Variants in MARK2 observed in about 807,000 individuals in gnomAD.
MARK2 encodes microtubule affinity regulating kinase 2, also known as serine/threonine-protein kinase MARK2.
MARK2 carries 16 observed loss-of-function variants against 89.8 expected under a neutral mutation model. The observed-to-expected ratio is 0.18, with a 90% CI of 0.12 to 0.27. The LOEUF is 0.27. Ranked by LOEUF, MARK2 falls within the 10% of genes least tolerant of loss-of-function variation. The pLI, the probability that MARK2 is intolerant of heterozygous loss-of-function variation, is 1.00. For missense variants in MARK2, 621 were observed against 1,049.9 expected, an observed-to-expected ratio of 0.59 and a Z score of 5.65; for synonymous variants, 382 against 399.5, an observed-to-expected ratio of 0.96 and a Z score of 0.52.
chr11:63,851,437 A>G (rs2135211242), intron 1 of MARK2, among the ~76,000 whole-genome samples: 1 of 152,316 alleles, frequency 6.6e-6, no homozygotes, highest in Admixed American at 6.5e-5. Context: ...TTTTTTAAAA[A>G]TAACTCATCA....
Position 63,902,191 on chromosome 11 carries a change from C to CT in MARK2, c.1102-4dup. 1.2e-6 allele frequency: 2 copies of CT among 1,613,952 alleles called. No individual in the cohort carries two copies. Among genetic ancestry groups the CT allele is most frequent in the East Asian group, 4.5e-5 (2 of 44,870 alleles). ...CCTCCCTTGAAGCTGTTTTCTGTTT[C>CT]TTTCAGCTGGAAGGCGACACCATCA... On this transcript the variant is annotated splice_region_variant and splice_polypyrimidine_tract_variant and intron_variant, in intron 11 of 18. Transcript: ENST00000402010. This position sits in a 1 kb window ranked among gnomAD's most constrained non-coding sequence, Gnocchi z 4.2.
At position 63,901,057 on chromosome 11, in the gene MARK2, C is replaced by T; in HGVS notation, c.1089C>T (p.Tyr363=). The change falls in exon 11 of 19, where the codon TAC becomes TAT. Residue 363 remains tyrosine, a synonymous_variant. Coordinates refer to ENST00000402010, the MANE Select transcript of MARK2 (RefSeq NM_001039469.3). ...EVMATYLLLG[Y]KSSELEGDTI... The stretch of plus-strand genomic sequence containing the variant: ...TGGCCACCTATCTGCTCCTGGGCTA[C>T]AAGAGCTCCGAGGTGTGTGCTCCCC... The T allele has an allele frequency of 6.2e-7, 1 of 1,612,586 alleles. No individual in the cohort carries two copies. The highest frequency in any genetic ancestry group is 8.5e-7 in the Non-Finnish European group (1 of 1,178,646).
rs536993872 is a variant in MARK2 at position 63,857,149 on chromosome 11, GT to G, written c.54+17593del. Among the ~76,000 whole-genome samples the G allele has an allele frequency of 1.1e-4, 17 of 151,714 alleles. No homozygotes were observed. The South Asian group carries it at 3.1e-3, about 28-fold the overall frequency. ...TTTTATACTCATTTCCTTTTTGTTC[GT>G]TTTCTTTCTTTAATTTGTTAGTATT... is the stretch of plus-strand genomic sequence containing the variant. On this transcript the variant is annotated intron_variant, in intron 1 of 18. Transcript: ENST00000402010.
chr11:63,907,974 C>T (rs1203201567), intron 17 of MARK2, among the ~76,000 whole-genome samples: 3 of 152,264 alleles, frequency 2.0e-5, no homozygotes, highest in African/African-American at 7.2e-5. Flanking sequence ...CAGCCACTCC[C>T]CCTCCTCCCC....
At position 63,856,308 on chromosome 11, in the gene MARK2, G is replaced by GTT. The variant is rs771771264; in HGVS notation, c.54+16759_54+16760dup. ...GATACATACACCACTGGCCCTGTGG[G>GTT]TTTTTTTTTTTTGTTTTTTTTTTTT... On this transcript the variant is annotated intron_variant, in intron 1 of 18. Coordinates refer to ENST00000402010, the MANE Select transcript of MARK2 (RefSeq NM_001039469.3). 1.5e-3 allele frequency among the ~76,000 whole-genome samples: 127 copies of GTT among 87,214 alleles called. 1 individual carries two copies. The highest frequency in any genetic ancestry group is 4.4e-3 in the East Asian group (6 of 1,378). The allele number at this position is 87,214 out of a possible 152,430, so 57.2% of individuals were successfully genotyped here. A position where few individuals can be genotyped will look rare whatever the true frequency, so the allele number is the denominator to read the frequency against.
At chr11:63,907,964 C>T (rs1216983125) in intron 17 of MARK2, among the ~76,000 whole-genome samples, 1 of 152,246 alleles carries the variant, frequency 6.6e-6, no homozygotes, top group Non-Finnish European at 1.5e-5. Flanking sequence ...AGTGCGTGCA[C>T]AGCCACTCCC....
At chr11:63,841,219 C>T (rs1417969909) in intron 1 of MARK2, among the ~76,000 whole-genome samples, 1 of 152,062 alleles carries the variant, frequency 6.6e-6, no homozygotes, top group Non-Finnish European at 1.5e-5. Context: ...AAAATCTTAC[C>T]TCCTTTCTTT....
In MARK2 at chr11:63,902,350, G is replaced by T; in HGVS notation, c.1234+20G>T. On this transcript the variant is annotated intron_variant, in intron 12 of 18. Transcript: ENST00000402010. The surrounding 1 kb of genome is among the most constrained non-coding windows in gnomAD (Gnocchi z 4.2). ...ACCAGGGTAAATGCTTTTGGGAGTTGTAGGTGGGGACTCACCCCTCTCCAG... is the reference window on the plus strand; with the variant it reads ...ACCAGGGTAAATGCTTTTGGGAGTTTTAGGTGGGGACTCACCCCTCTCCAG... The T allele has an allele frequency of 6.2e-7, 1 of 1,613,658 alleles. No homozygotes were observed. Among genetic ancestry groups the T allele is most frequent in the Non-Finnish European group, 8.5e-7 (1 of 1,179,816 alleles).
intron 1 of MARK2, among the ~76,000 whole-genome samples, chr11:63,886,564 C>T (rs531995994): frequency 6.6e-6 from 1 of 152,234 alleles, no homozygotes; most frequent in South Asian, 2.1e-4. Context: ...GCTGGGATTA[C>T]AGGTGTACGC....
At chr11:63,855,333 A>G (rs547364761) in intron 1 of MARK2, among the ~76,000 whole-genome samples, 4 of 152,274 alleles carry the variant, frequency 2.6e-5, no homozygotes, top group African/African-American at 7.2e-5. Context: ...AGCCTCTGCA[A>G]CATGGCAAGA....
chr11:63,899,480 G>C (rs1260298562), intron 7 of MARK2, among the ~76,000 whole-genome samples: 1 of 152,162 alleles, frequency 6.6e-6, no homozygotes, highest in African/African-American at 2.4e-5. Context: ...TTCCACAGCT[G>C]TATCCCAGCT....
At chr11:63,898,716 C>A in intron 5 of MARK2, 43 bp downstream of exon 5, 3 of 1,610,852 alleles carry the variant, frequency 1.9e-6, no homozygotes, top group Non-Finnish European at 1.7e-6. Context: ...CCCACTTCTT[C>A]CACCTCCAGC....
At position 63,904,768 on chromosome 11, in the gene MARK2, C is replaced by T. The variant is rs1204344337; in HGVS notation, c.1677-18C>T. Reference sequence around the variant, plus strand: ...GTACCCTAATTCGTCCCCCTCAACCCCACTTCTCTTCCCACAGCACAGCCC... The same window carrying T: ...GTACCCTAATTCGTCCCCCTCAACCTCACTTCTCTTCCCACAGCACAGCCC... On this transcript the variant is annotated intron_variant, in intron 15 of 18. Coordinates refer to ENST00000402010, the MANE Select transcript of MARK2 (RefSeq NM_001039469.3). The surrounding 1 kb of genome is among the most constrained non-coding windows in gnomAD (Gnocchi z 6.3). 4.3e-6 allele frequency: 7 copies of T among 1,611,246 alleles called. No homozygotes were observed. In the African/African-American group the frequency reaches 9.4e-5, roughly 22 times the overall value.
intron 1 of MARK2, among the ~76,000 whole-genome samples, chr11:63,849,018 TTTA>T (rs1167816788): frequency 2.0e-5 from 3 of 152,012 alleles, no homozygotes; most frequent in African/African-American, 7.2e-5. Context: ...TGTTGGTGTT[TTTA>T]AGAGACAGGG....
chr11:63,864,797 G>T (rs1938034399), intron 1 of MARK2, among the ~76,000 whole-genome samples: 1 of 148,560 alleles, frequency 6.7e-6, no homozygotes, highest in Non-Finnish European at 1.5e-5. Flanking sequence ...GATCACTTGA[G>T]CCCAGGATTT....
Position 63,902,247 on chromosome 11 carries a change from C to A in MARK2, c.1151C>A (p.Thr384Asn), listed in dbSNP as rs367599531. Residue 384 changes from threonine to asparagine, a missense_variant, in exon 12 of 19, where the codon ACC becomes AAC. By Grantham distance (65) the Thr-to-Asn change is moderately conservative. This residue lies in a region of MARK2 where 397 missense variants were observed against 567.8 expected (regional missense o/e 0.70). Transcript: ENST00000402010. This position sits in a 1 kb window ranked among gnomAD's most constrained non-coding sequence, Gnocchi z 4.2. Reference protein sequence around the residue: ...TLKPRPSADLTNSSAPSPSHK... With the variant: ...TLKPRPSADLNNSSAPSPSHK... ...AAACCCCGGCCTTCAGCTGATCTGA[C>A]CAATAGCAGCGCCCCATCCCCATCC... The A allele has an allele frequency of 9.3e-6, 15 of 1,614,014 alleles. No individual in the cohort carries two copies. The highest frequency in any genetic ancestry group is 1.2e-5 in the Non-Finnish European group (14 of 1,180,030).
At chr11:63,893,909 AT>A (rs1485648521) in intron 1 of MARK2, among the ~76,000 whole-genome samples, 1 of 152,240 alleles carries the variant, frequency 6.6e-6, no homozygotes, top group Non-Finnish European at 1.5e-5. Context: ...CATCCCTGAG[AT>A]ATCTGATTAT....
chr11:63,872,795 G>A (rs1038985845), intron 1 of MARK2, among the ~76,000 whole-genome samples: 7 of 152,192 alleles, frequency 4.6e-5, no homozygotes, highest in East Asian at 3.9e-4. Context: ...CGGGAACCCC[G>A]CCGCTTCCCT....
intron 1 of MARK2, among the ~76,000 whole-genome samples, chr11:63,875,848 G>A (rs115971205): frequency 3.9e-5 from 6 of 152,300 alleles, no homozygotes; most frequent in African/African-American, 1.4e-4. Flanking sequence ...GCTTTCAGCA[G>A]CACCATCACT....
Sources: gnomAD v4.1 joint callset for allele counts (sites outside exome capture counted in the v4.1 genomes callset) on GRCh38, gnomAD v4.1.1 for gene constraint, gnomAD v4.1.1 regional missense constraint, Gnocchi (gnomAD v3.1) non-coding constraint, MANE v1.5 for transcripts, NCBI Gene and HGNC (gene_info 2026-07-23, HGNC 2026-07-21) for gene names.